Variants in SRGAP2 observed in about 807,000 individuals in gnomAD.
The protein encoded by SRGAP2 is SLIT-ROBO Rho GTPase activating protein 2.
In SRGAP2, 15 loss-of-function variants were observed where a neutral mutation model predicts 57.2. The ratio of observed to expected loss-of-function variants is 0.26; its 90% CI spans 0.18 to 0.40. The LOEUF is 0.40. Among genes scored for constraint, SRGAP2 ranks in the 10% least tolerant of loss-of-function variants. The probability of loss-of-function intolerance (pLI) is 1.00; values close to 1 mark genes in which losing one functional copy is unlikely to be tolerated. For synonymous variants in SRGAP2, 249 were observed against 248.0 expected (o/e 1.00, Z -0.04); for missense variants, 520 against 669.6 (o/e 0.78, Z 2.47).
At chr1:206,256,817 A>G (rs2102607344) in intron 2 of SRGAP2, among the ~76,000 whole-genome samples, 2 of 152,338 alleles carry the variant, frequency 1.3e-5, no homozygotes, top group South Asian at 4.1e-4. Flanking sequence ...AAAAGAAAGG[A>G]AGAGTGTTGT....
chr1:206,257,100 G>T (rs1256924121), intron 2 of SRGAP2, among the ~76,000 whole-genome samples: 3 of 116,880 alleles, frequency 2.6e-5, no homozygotes, highest in Non-Finnish European at 5.2e-5. Context: ...ATTTGCATTT[G>T]TATCTTAAAG....
At chr1:206,213,685 C>T (rs547564063) in intron 2 of SRGAP2, among the ~76,000 whole-genome samples, 88 of 152,070 alleles carry the variant, frequency 5.8e-4, no homozygotes, top group Non-Finnish European at 8.5e-4. Flanking sequence ...TTTGAGAGGC[C>T]GAGGCAGACG....
At chr1:206,309,527 A>G (rs1234303364) in intron 3 of SRGAP2, among the ~76,000 whole-genome samples, 1 of 150,732 alleles carries the variant, frequency 6.6e-6, no homozygotes, top group Non-Finnish European at 1.5e-5. Flanking sequence ...GAAGGTATTC[A>G]AGAAACTAAA....
intron 3 of SRGAP2, among the ~76,000 whole-genome samples, chr1:206,306,165 G>T (rs1274075513): frequency 6.6e-6 from 1 of 152,128 alleles, no homozygotes; most frequent in African/African-American, 2.4e-5. Context: ...CGGAATTGGT[G>T]GGTTCTTGGT....
At chr1:206,260,150 T>C (rs1163390398) in intron 2 of SRGAP2, among the ~76,000 whole-genome samples, 2 of 97,658 alleles carry the variant, frequency 2.0e-5, no homozygotes, top group African/African-American at 8.0e-5. Flanking sequence ...CCGTCTTACA[T>C]ATAATATTCA....
chr1:206,439,626 A>G (rs1662087054), intron 16 of SRGAP2, among the ~76,000 whole-genome samples: 1 of 152,168 alleles, frequency 6.6e-6, no homozygotes, highest in Non-Finnish European at 1.5e-5. Flanking sequence ...CCCAAATCCA[A>G]ATCCAAACTT....
chr1:206,205,750 C>T lies in SRGAP2; in HGVS notation c.-221C>T, dbSNP rs1473107539. On this transcript the variant is annotated 5_prime_UTR_variant, in exon 2 of 23. Coordinates refer to ENST00000573034, the MANE Select transcript of SRGAP2 (RefSeq NM_015326.5). ...TGCGGCTCCGGCTCTAGCACAGGCA[C>T]CAGCCGCCGCCGCACCCGGCCCCAG... 3.2e-6 allele frequency: 2 copies of T among 616,054 alleles called. No individual in the cohort carries two copies. The highest frequency in any genetic ancestry group is 2.9e-6 in the Non-Finnish European group (1 of 343,702). The allele number at this position is 616,054 out of a possible 1,614,324, so 38.2% of individuals were successfully genotyped here.
chr1:206,459,434 T>G (rs1285766303), intron 22 of SRGAP2, among the ~76,000 whole-genome samples: 1 of 152,148 alleles, frequency 6.6e-6, no homozygotes, highest in African/African-American at 2.4e-5. Context: ...TTTAAAGACC[T>G]AAAAAATACT....
chr1:206,204,358 T>TCGCTTCC (rs1389531556), intron 1 of SRGAP2: 6 of 335,420 alleles, frequency 1.8e-5, no homozygotes, highest in Admixed American at 8.8e-5. Flanking sequence ...CACCCGCCTC[T>TCGCTTCC]CGCTTCCCGC....
intron 2 of SRGAP2, among the ~76,000 whole-genome samples, chr1:206,245,032 T>G (rs1296982871): frequency 2.8e-5 from 4 of 142,556 alleles, no homozygotes; most frequent in Non-Finnish European, 4.6e-5. Context: ...ACATCATTGC[T>G]GCAAGTTAGC....
intron 6 of SRGAP2, 44 bp from the exon 7 acceptor site, chr1:206,393,501 C>G: frequency 4.0e-6 from 3 of 754,950 alleles, no homozygotes; most frequent in Non-Finnish European, 7.4e-6. Flanking sequence ...ACAAGCCCCC[C>G]TTAAAAAAAA....
intron 5 of SRGAP2, among the ~76,000 whole-genome samples, chr1:206,389,143 G>A (rs1656638200): frequency 6.6e-6 from 1 of 150,528 alleles, no homozygotes; most frequent in African/African-American, 2.4e-5. Context: ...GGGATCTTGG[G>A]GCCTCACTGT....
intron 2 of SRGAP2, among the ~76,000 whole-genome samples, chr1:206,231,898 A>C (rs1167165650): frequency 2.6e-5 from 4 of 152,074 alleles, no homozygotes; most frequent in African/African-American, 9.7e-5. Flanking sequence ...CTTTTAGTTA[A>C]GTCTGCTCAC....
intron 18 of SRGAP2, among the ~76,000 whole-genome samples, chr1:206,450,057 G>T (rs1663130206): frequency 6.6e-6 from 1 of 152,142 alleles, no homozygotes; most frequent in Non-Finnish European, 1.5e-5. Flanking sequence ...TGAAAACCAG[G>T]AATGAATTCA....
chr1:206,307,187 T>G (rs1486278624), intron 3 of SRGAP2, among the ~76,000 whole-genome samples: 1 of 146,530 alleles, frequency 6.8e-6, no homozygotes, highest in Non-Finnish European at 1.5e-5. Flanking sequence ...AGATATAGAG[T>G]GCCGATTGGT....
At position 206,419,063 on chromosome 1, in the gene SRGAP2, A is replaced by G. The variant is rs141571990; in HGVS notation, c.1442-310A>G. On this transcript the variant is annotated intron_variant, in intron 11 of 22. Transcript: ENST00000573034. ...TCTATTAAGTATGATCTGTGCTGCTATTGTTCCACTACCTCCATCTCTATG... is the reference window on the plus strand; with the variant it reads ...TCTATTAAGTATGATCTGTGCTGCTGTTGTTCCACTACCTCCATCTCTATG... Among the ~76,000 whole-genome samples the G allele has an allele frequency of 1.2e-3, 183 of 152,236 alleles. 1 individual carries two copies. The highest frequency in any genetic ancestry group is 4.3e-3 in the African/African-American group (177 of 41,542).
At chr1:206,377,458 A>G (rs1655315429) in intron 4 of SRGAP2, among the ~76,000 whole-genome samples, 2 of 149,376 alleles carry the variant, frequency 1.3e-5, no homozygotes, top group East Asian at 1.9e-4. Flanking sequence ...TTACTATGTA[A>G]TAGCTGGATT....
In SRGAP2 at chr1:206,461,273, G is replaced by A. The variant is rs1346742877; in HGVS notation, c.3069G>A (p.Arg1023=). 4 of 780,780 alleles carry A rather than the reference G, an allele frequency of 5.1e-6. No individual in the cohort carries two copies. The highest frequency in any genetic ancestry group is 9.6e-6 in the Non-Finnish European group (4 of 417,996). The allele number at this position is 780,780 out of a possible 1,614,324, so 48.4% of individuals were successfully genotyped here. The change falls in exon 23 of 23, where the codon CGG becomes CGA. Residue 1023 remains arginine (R), a synonymous_variant. Coordinates refer to ENST00000573034, the MANE Select transcript of SRGAP2 (RefSeq NM_015326.5). ...STAGDIACAF[R]PVKSVKMAAP... ...CTGGGGACATCGCCTGCGCCTTCCGGCCTGTCAAGTCTGTCAAGATGGCTG... is the reference window on the plus strand; with the variant it reads ...CTGGGGACATCGCCTGCGCCTTCCGACCTGTCAAGTCTGTCAAGATGGCTG...
At chr1:206,452,730 C>CA (rs1414882564) in intron 19 of SRGAP2, among the ~76,000 whole-genome samples, 1 of 151,660 alleles carries the variant, frequency 6.6e-6, no homozygotes, top group Non-Finnish European at 1.5e-5. Context: ...ATTAATAATA[C>CA]AAAAAATTAG....
Sources: allele counts gnomAD v4.1 joint callset (sites outside exome capture counted in the v4.1 genomes callset), GRCh38; gene constraint gnomAD v4.1.1; transcripts MANE v1.5; gene names NCBI Gene and HGNC (gene_info 2026-07-23, HGNC 2026-07-21).